The following TRMT11 variants were observed in gnomAD, a reference collection of about 807,000 sequenced individuals.
The protein encoded by TRMT11 is tRNA methyltransferase 11.
Under a neutral mutation model 62.8 loss-of-function variants are expected in TRMT11, and 53 were observed. The ratio of observed to expected loss-of-function variants is 0.84; its 90% CI spans 0.68 to 1.06. The LOEUF (loss-of-function observed/expected upper bound fraction) is 1.06, where lower values mean the gene tolerates loss of function less well. Among genes scored for constraint, TRMT11 ranks in the 50% least tolerant of loss-of-function variants. TRMT11 has a pLI of 0.00. For synonymous variants in TRMT11, 188 were observed against 190.3 expected (o/e 0.99, Z 0.10); for missense variants, 556 against 553.4 (o/e 1.00, Z -0.05).
chr6:126,217,513 G>T, the TRMT11 span, among the ~76,000 whole-genome samples: 2 of 152,180 alleles, frequency 1.3e-5, no homozygotes, highest in African/African-American at 4.8e-5. Context: ...CACCGGGATG[G>T]TCTTGGATAA....
At chr6:126,052,361 C>T (rs1244021328) in intron 16 of TRMT11, among the ~76,000 whole-genome samples, 1 of 152,170 alleles carries the variant, frequency 6.6e-6, no homozygotes, top group Admixed American at 6.5e-5. Flanking sequence ...CCTTTCCTCT[C>T]ATCCTTTAAA....
chr6:126,056,172 A>G (rs934105726), intron 17 of TRMT11, among the ~76,000 whole-genome samples: 1 of 152,244 alleles, frequency 6.6e-6, no homozygotes, highest in South Asian at 2.1e-4. Context: ...TTCCTTAGCT[A>G]TCTCTCTTGG....
the TRMT11 span, chr6:126,258,042 G>A: frequency 1.5e-6 from 2 of 1,318,682 alleles, no homozygotes; most frequent in South Asian, 1.2e-5. Flanking sequence ...GGCAGCCTGG[G>A]CATCCTCACT....
chr6:125,998,644 G>A lies in TRMT11; in HGVS notation c.482G>A (p.Cys161Tyr). ...GAGGATTATGGTTTAGACCCAAACTGCATCCCTGAGAATCCACATAATATT... is the reference window on the plus strand; with the variant it reads ...GAGGATTATGGTTTAGACCCAAACTACATCCCTGAGAATCCACATAATATT... ...VLEDYGLDPN[C>Y]IPENPHNIYF... Residue 161 changes from cysteine to tyrosine, a missense_variant, in exon 6 of 13, where the codon TGC (cysteine) becomes TAC (tyrosine). Transcript: ENST00000334379. The A allele has an allele frequency of 6.2e-7, 1 of 1,613,250 alleles. No homozygotes were observed. The highest frequency in any genetic ancestry group is 1.7e-5 in the Admixed American group (1 of 59,940).
intron 21 of TRMT11, among the ~76,000 whole-genome samples, chr6:126,130,729 A>C (rs1299161326): frequency 6.6e-6 from 1 of 152,120 alleles, no homozygotes; most frequent in African/African-American, 2.4e-5. Flanking sequence ...CCTCCCAGCA[A>C]ACCACACAGC....
chr6:126,079,661 A>G (rs1583868509), intron 17 of TRMT11, among the ~76,000 whole-genome samples: 2 of 152,132 alleles, frequency 1.3e-5, no homozygotes, highest in Admixed American at 6.6e-5. Context: ...CCAGACCCCA[A>G]TGACATGCAA....
intron 12 of TRMT11, among the ~76,000 whole-genome samples, chr6:126,033,507 A>G (rs1037551546): frequency 6.6e-6 from 1 of 152,046 alleles, no homozygotes; most frequent in Admixed American, 6.5e-5. Context: ...TGTTCTAGAG[A>G]GTAGTTTGGA....
At chr6:126,232,285 G>A in the TRMT11 span, among the ~76,000 whole-genome samples, 1 of 152,024 alleles carries the variant, frequency 6.6e-6, no homozygotes, top group Non-Finnish European at 1.5e-5. Context: ...GAGATTCCCA[G>A]GGAGCAAGTA....
intron 17 of TRMT11, among the ~76,000 whole-genome samples, chr6:126,099,222 C>A (rs1777370734): frequency 6.6e-6 from 1 of 152,128 alleles, no homozygotes; most frequent in South Asian, 2.1e-4. Context: ...AGAAAATTTT[C>A]CCCAGATTTC....
intron 17 of TRMT11, among the ~76,000 whole-genome samples, chr6:126,074,319 G>A (rs180919413): frequency 8.5e-5 from 13 of 152,220 alleles, no homozygotes; most frequent in African/African-American, 1.2e-4. Flanking sequence ...CATAACCGCT[G>A]GATAGCATTG....
intron 17 of TRMT11, among the ~76,000 whole-genome samples, chr6:126,065,104 AAC>A (rs1313808610): frequency 6.6e-6 from 1 of 152,180 alleles, no homozygotes; most frequent in African/African-American, 2.4e-5. Context: ...TCACTCACAA[AAC>A]GTGAACCATT....
At chr6:126,270,115 T>C in the TRMT11 span, among the ~76,000 whole-genome samples, 1 of 152,198 alleles carries the variant, frequency 6.6e-6, no homozygotes, top group Non-Finnish European at 1.5e-5. Flanking sequence ...CTCAGATACA[T>C]GGCATAACCA....
downstream of TRMT11, among the ~76,000 whole-genome samples, chr6:126,043,998 G>T (rs1406774131): frequency 6.6e-6 from 1 of 151,808 alleles, no homozygotes; most frequent in Non-Finnish European, 1.5e-5. Context: ...CTCCCATTCT[G>T]TAGGTTGCCT....
At chr6:126,116,832 T>C (rs1056062554) in intron 21 of TRMT11, among the ~76,000 whole-genome samples, 1 of 152,088 alleles carries the variant, frequency 6.6e-6, no homozygotes, top group African/African-American at 2.4e-5. Flanking sequence ...AGAATTTGGA[T>C]GTTCATGAGG....
chr6:126,126,430 T>C (rs1250337743), intron 21 of TRMT11, among the ~76,000 whole-genome samples: 1 of 152,158 alleles, frequency 6.6e-6, no homozygotes, highest in Non-Finnish European at 1.5e-5. Flanking sequence ...ATGTTTCATT[T>C]TGTGAAATCC....
intron 3 of TRMT11, among the ~76,000 whole-genome samples, chr6:125,997,086 A>G (rs953786900): frequency 6.6e-6 from 1 of 152,216 alleles, no homozygotes; most frequent in African/African-American, 2.4e-5. Context: ...CTTCTAATTC[A>G]TATATTTGAT....
At chr6:126,271,543 A>G in the TRMT11 span, among the ~76,000 whole-genome samples, 2 of 151,960 alleles carry the variant, frequency 1.3e-5, no homozygotes, top group Non-Finnish European at 2.9e-5. Flanking sequence ...GCTAACAGCC[A>G]TTAAAAATAT....
intron 17 of TRMT11, among the ~76,000 whole-genome samples, chr6:126,108,750 G>A (rs1390876841): frequency 6.6e-6 from 1 of 152,140 alleles, no homozygotes; most frequent in Non-Finnish European, 1.5e-5. Context: ...TAGAAAGATG[G>A]ACAGCATGAC....
chr6:126,251,614 T>C, the TRMT11 span, among the ~76,000 whole-genome samples: 1 of 152,142 alleles, frequency 6.6e-6, no homozygotes, highest in African/African-American at 2.4e-5. Context: ...TTGACCAACA[T>C]CTGTCTAATC....
Sources: allele counts gnomAD v4.1 joint callset (sites outside exome capture counted in the v4.1 genomes callset), GRCh38; gene constraint gnomAD v4.1.1; transcripts MANE v1.5; gene names NCBI Gene and HGNC (gene_info 2026-07-23, HGNC 2026-07-21).